The following LHX2 variants were observed in gnomAD, a reference collection of about 807,000 sequenced individuals.
LHX2 encodes LIM/homeobox protein Lhx2.
In LHX2, 6 loss-of-function variants were observed where a neutral mutation model predicts 33.0. That is an observed-to-expected ratio of 0.18 (90% confidence interval 0.10 to 0.36). LHX2 has a LOEUF of 0.36. Ranked by LOEUF, LHX2 falls within the 10% of genes least tolerant of loss-of-function variation. The pLI, the probability that LHX2 is intolerant of heterozygous loss-of-function variation, is 1.00. For missense variants in LHX2, 442 were observed against 586.2 expected, an observed-to-expected ratio of 0.75 and a Z score of 2.54; for synonymous variants, 292 against 253.1, an observed-to-expected ratio of 1.15 and a Z score of -1.46.
intron 4 of LHX2, among the ~76,000 whole-genome samples, 156 bp downstream of exon 4, chr9:124,021,460 G>C (rs971703119): frequency 6.6e-6 from 1 of 152,142 alleles, no homozygotes; most frequent in East Asian, 1.9e-4. Context: ...TCTCCAGCCT[G>C]TCCCCATCTG....
At chr9:124,025,701 A>G (rs1828609029) in intron 4 of LHX2, among the ~76,000 whole-genome samples, 1 of 152,174 alleles carries the variant, frequency 6.6e-6, no homozygotes, top group African/African-American at 2.4e-5. Context: ...ACCATCTTTC[A>G]GTCTGGGTGT....
At chr9:124,030,105 C>T (rs1250868165) in intron 4 of LHX2, among the ~76,000 whole-genome samples, 2 of 152,256 alleles carry the variant, frequency 1.3e-5, no homozygotes, top group African/African-American at 4.8e-5. Flanking sequence ...GAAGATCCAG[C>T]ACTGAGGAGG....
At chr9:124,013,653 G>A (rs1050975957) in intron 1 of LHX2, among the ~76,000 whole-genome samples, 4 of 152,248 alleles carry the variant, frequency 2.6e-5, no homozygotes, top group Non-Finnish European at 4.4e-5. Context: ...AACACAGCCC[G>A]AGCATTTTGG....
Position 124,032,593 on chromosome 9 carries a change from C to G in LHX2, c.1107C>G (p.Asp369Glu). 3.1e-6 allele frequency: 5 copies of G among 1,614,202 alleles called. No homozygotes were observed. The highest frequency in any genetic ancestry group is 3.4e-6 in the Non-Finnish European group (4 of 1,180,030). The change falls in exon 5 of 5, where the codon GAC becomes GAG. Residue 369 changes from aspartate to glutamate, a missense_variant. Transcript: ENST00000373615. This position sits in a 1 kb window ranked among gnomAD's most constrained non-coding sequence, Gnocchi z 4.1. ...CCAGCACGCCCACCACCCTGACAGA[C>G]TTGACTAGCCCCACCCTGCCAACTG... ...SPSSTPTTLT[D>E]LTSPTLPTVT...
rs1859176176 is a variant in LHX2 at position 124,015,648 on chromosome 9, C to T, written c.727+123C>T. 3 of 1,130,822 alleles carry T rather than the reference C, an allele frequency of 2.7e-6. No individual in the cohort carries two copies. The South Asian group carries it at 5.4e-5, about 20-fold the overall frequency. 70.0% of individuals were successfully genotyped at this position (1,130,822 alleles called of 1,614,324 possible). A position where few individuals can be genotyped will look rare whatever the true frequency, so the allele number is the denominator to read the frequency against. The stretch of plus-strand genomic sequence containing the variant: ...TAGCGAGCCTTAAGCACCGGACGGC[C>T]TCGCAGAAGGGACATTAGCCCCCTG... On this transcript the variant is annotated intron_variant, in intron 3 of 4. Coordinates refer to ENST00000373615, the MANE Select transcript of LHX2 (RefSeq NM_004789.4). The surrounding 1 kb of genome is among the most constrained non-coding windows in gnomAD (Gnocchi z 7.9).
At position 124,012,752 on chromosome 9, in the gene LHX2, C is replaced by G. The variant is rs1859115327; in HGVS notation, c.120+284C>G. Among the ~76,000 whole-genome samples the G allele has an allele frequency of 6.6e-6, 1 of 152,222 alleles. No individual in the cohort carries two copies. The highest frequency in any genetic ancestry group is 2.1e-4 in the South Asian group (1 of 4,834). Reference sequence around the variant, plus strand: ...TCCCATCCGCGGCCCGGGGCGGCTCCCTTCTCACCTTGCCCGGTGCCGGGG... The same window carrying G: ...TCCCATCCGCGGCCCGGGGCGGCTCGCTTCTCACCTTGCCCGGTGCCGGGG... On this transcript the variant is annotated intron_variant, in intron 1 of 4. Transcript: ENST00000373615. This position sits in a 1 kb window ranked among gnomAD's most constrained non-coding sequence, Gnocchi z 4.3.
Position 124,012,307 on chromosome 9 carries a change from C to T in LHX2, c.-42C>T, listed in dbSNP as rs1441976478. 4 of 1,474,628 alleles carry T rather than the reference C, an allele frequency of 2.7e-6. No individual in the cohort carries two copies. The African/African-American group carries it at 4.4e-5, about 16-fold the overall frequency. The allele number at this position is 1,474,628 out of a possible 1,614,324, so 91.3% of individuals were successfully genotyped here. ...CAGCTGAGGCGGGGGGCAAGCCCTCCCTCGGAGGAGCCGCGCCCCCGGCCC... is the reference window on the plus strand; with the variant it reads ...CAGCTGAGGCGGGGGGCAAGCCCTCTCTCGGAGGAGCCGCGCCCCCGGCCC... On this transcript the variant is annotated 5_prime_UTR_variant, in exon 1 of 5. Transcript: ENST00000373615. This position sits in a 1 kb window ranked among gnomAD's most constrained non-coding sequence, Gnocchi z 4.3.
intron 3 of LHX2, 39 bp from the exon 4 acceptor site, chr9:124,021,060 T>C: frequency 6.3e-7 from 1 of 1,597,062 alleles, no homozygotes; most frequent in Non-Finnish European, 8.6e-7. Context: ...GGGGGGCGGG[T>C]CAGGAAGTTC....
chr9:124,026,393 G>A (rs1554829177), intron 4 of LHX2, among the ~76,000 whole-genome samples: 1 of 151,936 alleles, frequency 6.6e-6, no homozygotes, highest in Non-Finnish European at 1.5e-5. Flanking sequence ...CCCAGGAGGT[G>A]GAGGTTGCAG....
In LHX2 at chr9:124,014,231, G is replaced by A; in HGVS notation, c.323+68G>A. 8.7e-7 allele frequency: 1 copy of A among 1,148,572 alleles called. No homozygotes were observed. Among genetic ancestry groups the A allele is most frequent in the African/African-American group, 1.7e-5 (1 of 59,542 alleles). The allele number at this position is 1,148,572 out of a possible 1,614,324, so 71.1% of individuals were successfully genotyped here. On this transcript the variant is annotated intron_variant, in intron 2 of 4. Transcript: ENST00000373615. The surrounding 1 kb of genome is among the most constrained non-coding windows in gnomAD (Gnocchi z 4.8). ...ATCTCAGGCACAGTCTTACAGTTTG[G>A]CCCTCTCCTTTCCGTTTAGTCCCAG...
chr9:124,027,558 C>T (rs1828644640), intron 4 of LHX2, among the ~76,000 whole-genome samples: 1 of 151,940 alleles, frequency 6.6e-6, no homozygotes, highest in Non-Finnish European at 1.5e-5. Flanking sequence ...GTGTCTCCTG[C>T]CTGTAATCCC....
rs1174008245 is a variant in LHX2, at chr9:124,014,571, G to A, written c.323+408G>A. Reference sequence around the variant, plus strand: ...GCTGGAAAGAGAGCTGTGGGAGTGGGTGCATTTCCAGGTCTTTTGAGAAAA... The same window carrying A: ...GCTGGAAAGAGAGCTGTGGGAGTGGATGCATTTCCAGGTCTTTTGAGAAAA... On this transcript the variant is annotated intron_variant, in intron 2 of 4. Coordinates refer to ENST00000373615, the MANE Select transcript of LHX2 (RefSeq NM_004789.4). The surrounding 1 kb of genome is among the most constrained non-coding windows in gnomAD (Gnocchi z 4.8). Among the ~76,000 whole-genome samples, 1 of 152,152 alleles carries A rather than the reference G, an allele frequency of 6.6e-6. No individual in the cohort carries two copies. The highest frequency in any genetic ancestry group is 1.5e-5 in the Non-Finnish European group (1 of 68,046).
At chr9:124,020,825 C>T (rs2025952) in intron 3 of LHX2, among the ~76,000 whole-genome samples, 89,110 of 151,946 alleles carry the variant, frequency 0.59, 26,383 homozygotes, top group African/African-American at 0.65. Flanking sequence ...TACTATTGTT[C>T]TTATTGTAAC....
intron 3 of LHX2, among the ~76,000 whole-genome samples, chr9:124,017,054 TAC>T (rs1859204156): frequency 6.6e-6 from 1 of 152,102 alleles, no homozygotes; most frequent in Admixed American, 6.6e-5. Flanking sequence ...GAGTAGAAGG[TAC>T]AGAGATTTAT....
rs1325724508 is a variant in LHX2, at chr9:124,012,501, G to A, written c.120+33G>A. On this transcript the variant is annotated intron_variant, in intron 1 of 4. Transcript: ENST00000373615. This position sits in a 1 kb window ranked among gnomAD's most constrained non-coding sequence, Gnocchi z 4.3. ...CGCGGCTGTGGGGTCGGGGCTGAGA[G>A]CTGGGATGGGGCCGGGCCAGTCAGC... The A allele has an allele frequency of 6.0e-6, 9 of 1,511,428 alleles. No homozygotes were observed. Among genetic ancestry groups the A allele is most frequent in the African/African-American group, 5.7e-5 (4 of 70,268 alleles). 93.6% of individuals were successfully genotyped at this position (1,511,428 alleles called of 1,614,324 possible).
chr9:124,014,055 A>G lies in LHX2; in HGVS notation c.215A>G (p.Gln72Arg). The change falls in exon 2 of 5, where the codon CAG becomes CGG. Residue 72 changes from glutamine (Q) to arginine (R), a missense_variant. Physicochemically the swap from Gln to Arg is conservative, Grantham distance 43 (BLOSUM62 1). Transcript: ENST00000373615. The surrounding 1 kb of genome is among the most constrained non-coding windows in gnomAD (Gnocchi z 4.8). The part of the protein sequence containing the change: ...DRYYLLAVDK[Q>R]WHMRCLKCCE... ...TACTACCTGCTGGCGGTGGACAAGC[A>G]GTGGCACATGCGCTGCCTCAAGTGC... is the stretch of plus-strand genomic sequence containing the variant. The G allele has an allele frequency of 6.2e-7, 1 of 1,613,652 alleles. No homozygotes were observed. The highest frequency in any genetic ancestry group is 8.5e-7 in the Non-Finnish European group (1 of 1,180,030).
At position 124,012,018 on chromosome 9, in the gene LHX2, G is replaced by C. The variant is rs1859095328; in HGVS notation, c.-331G>C. 1 of 153,518 alleles carries C rather than the reference G, an allele frequency of 6.5e-6. No individual in the cohort carries two copies. Among genetic ancestry groups the C allele is most frequent in the Non-Finnish European group, 1.5e-5 (1 of 68,940 alleles). The allele number at this position is 153,518 out of a possible 1,614,324, so 9.5% of individuals were successfully genotyped here. On this transcript the variant is annotated 5_prime_UTR_variant, in exon 1 of 5. Coordinates refer to ENST00000373615, the MANE Select transcript of LHX2 (RefSeq NM_004789.4). The surrounding 1 kb of genome is among the most constrained non-coding windows in gnomAD (Gnocchi z 4.3). The stretch of plus-strand genomic sequence containing the variant: ...CTGAAGCCGGGCGGGCGATGCCCGC[G>C]GCGTGAAAGCGCCCGCGGCGGGCGC...
chr9:124,024,059 A>G (rs1828565982), intron 4 of LHX2, among the ~76,000 whole-genome samples: 1 of 152,204 alleles, frequency 6.6e-6, no homozygotes, highest in South Asian at 2.1e-4. Flanking sequence ...CTGCCTGATC[A>G]ATGGACATAG....
Sources: gnomAD v4.1 joint callset for allele counts (sites outside exome capture counted in the v4.1 genomes callset) on GRCh38, gnomAD v4.1.1 for gene constraint, Gnocchi (gnomAD v3.1) non-coding constraint, MANE v1.5 for transcripts, NCBI Gene and HGNC (gene_info 2026-07-23, HGNC 2026-07-21) for gene names.